ADAMTS2: variants seen among roughly 807,000 people sequenced by gnomAD.
ADAMTS2 encodes the protein ADAM metallopeptidase with thrombospondin type 1 motif 2, also known as A disintegrin and metalloproteinase with thrombospondin motifs 2.
In ADAMTS2, 50 loss-of-function variants were observed where a neutral mutation model predicts 123.0. The observed-to-expected ratio is 0.41, with a 90% CI of 0.32 to 0.51. The LOEUF is 0.51. ADAMTS2 is among the 20% of genes least tolerant of loss of function. ADAMTS2 has a pLI of 0.35. For missense variants in ADAMTS2, 1,494 were observed against 1,705.2 expected, an observed-to-expected ratio of 0.88 and a Z score of 2.18; for synonymous variants, 678 against 695.4, an observed-to-expected ratio of 0.98 and a Z score of 0.39.
rs938169342 is a variant in ADAMTS2, at chr5:179,308,797, T to C, written c.534+34970A>G. 1.2e-4 allele frequency among the ~76,000 whole-genome samples: 19 copies of C among 152,096 alleles called. No homozygotes were observed. Among genetic ancestry groups the C allele is most frequent in the Admixed American group, 6.5e-5 (1 of 15,282 alleles). On this transcript the variant is annotated intron_variant, in intron 2 of 21. Coordinates refer to ENST00000251582, the MANE Select transcript of ADAMTS2 (RefSeq NM_014244.5). The surrounding 1 kb of genome is among the most constrained non-coding windows in gnomAD (Gnocchi z 6.6). Reference sequence around the variant, plus strand: ...GCAGGTTCCTGGCCCCTCTGCCTCCTCTTCCTTCCCACCCCAGGGGCCCTG... The same window carrying C: ...GCAGGTTCCTGGCCCCTCTGCCTCCCCTTCCTTCCCACCCCAGGGGCCCTG...
At chr5:179,239,250 A>C (rs1473455426) in intron 3 of ADAMTS2, among the ~76,000 whole-genome samples, 2 of 152,118 alleles carry the variant, frequency 1.3e-5, no homozygotes, top group Non-Finnish European at 2.9e-5. Flanking sequence ...AGATGGTGAG[A>C]AGTGATCAGG....
intron 4 of ADAMTS2, among the ~76,000 whole-genome samples, chr5:179,191,595 G>T (rs1354243639): frequency 7.2e-6 from 1 of 139,088 alleles, no homozygotes; most frequent in Non-Finnish European, 1.6e-5. Context: ...GGCATCAGGG[G>T]ACAGGAACGG....
intron 3 of ADAMTS2, among the ~76,000 whole-genome samples, chr5:179,267,433 C>T (rs1766404500): frequency 6.6e-6 from 1 of 152,252 alleles, no homozygotes; most frequent in Admixed American, 6.5e-5. Context: ...AGAGGCTTGG[C>T]ACCGGCGGTG....
intron 3 of ADAMTS2, among the ~76,000 whole-genome samples, chr5:179,246,991 C>T (rs1019088850): frequency 6.6e-6 from 1 of 152,016 alleles, no homozygotes; most frequent in Non-Finnish European, 1.5e-5. Flanking sequence ...ACAAAGTATG[C>T]AAAATAACAA....
chr5:179,220,917 G>T (rs17079221), intron 3 of ADAMTS2, among the ~76,000 whole-genome samples: 3 of 152,062 alleles, frequency 2.0e-5, no homozygotes, highest in Non-Finnish European at 2.9e-5. Context: ...GATGCTGCCC[G>T]ACCCTGTGCA....
chr5:179,298,319 G>A (rs1371730902), intron 2 of ADAMTS2, among the ~76,000 whole-genome samples: 1 of 152,150 alleles, frequency 6.6e-6, no homozygotes, highest in Non-Finnish European at 1.5e-5. Flanking sequence ...TGTGAAGCGG[G>A]CCTTTGGAAG....
At chr5:179,280,309 G>A (rs575141411) in intron 2 of ADAMTS2, among the ~76,000 whole-genome samples, 1 of 152,306 alleles carries the variant, frequency 6.6e-6, no homozygotes, top group Non-Finnish European at 1.5e-5. Context: ...TGGGGGGCGA[G>A]GCAGGCAGGG....
At chr5:179,199,637 C>T (rs1228293196) in intron 4 of ADAMTS2, among the ~76,000 whole-genome samples, 1 of 152,162 alleles carries the variant, frequency 6.6e-6, no homozygotes. Context: ...TGGGGGTGCA[C>T]TCACTCTGCT....
At position 179,300,952 on chromosome 5, in the gene ADAMTS2, C is replaced by T. The variant is rs544961237; in HGVS notation, c.535-27888G>A. Among the ~76,000 whole-genome samples the T allele has an allele frequency of 1.4e-3, 206 of 152,204 alleles. 2 individuals carry two copies. Among genetic ancestry groups the T allele is most frequent in the African/African-American group, 4.6e-3 (192 of 41,528 alleles). On this transcript the variant is annotated intron_variant, in intron 2 of 21. Transcript: ENST00000251582. ...CGGAGAGGTCCCGCAGGACAGAGGCCGGAGGATGTCCCCACACACTGAGCA... is the reference window on the plus strand; with the variant it reads ...CGGAGAGGTCCCGCAGGACAGAGGCTGGAGGATGTCCCCACACACTGAGCA...
In ADAMTS2 at chr5:179,132,660, C is replaced by G. The variant is rs534160004; in HGVS notation, c.2209+117G>C. The G allele has an allele frequency of 2.6e-5, 38 of 1,470,590 alleles. No homozygotes were observed. Among genetic ancestry groups the G allele is most frequent in the African/African-American group, 8.3e-5 (6 of 72,244 alleles). The allele number at this position is 1,470,590 out of a possible 1,614,324, so 91.1% of individuals were successfully genotyped here. On this transcript the variant is annotated intron_variant, in intron 14 of 21. Transcript: ENST00000251582. This position sits in a 1 kb window ranked among gnomAD's most constrained non-coding sequence, Gnocchi z 6.1. ...CCCTCAGTGTCACAGACCTCTCCCCCTCCCCAGAACAGTCATAAGCCCGGA... is the reference window on the plus strand; with the variant it reads ...CCCTCAGTGTCACAGACCTCTCCCCGTCCCCAGAACAGTCATAAGCCCGGA...
intron 2 of ADAMTS2, among the ~76,000 whole-genome samples, chr5:179,305,014 C>T (rs1756632730): frequency 6.7e-6 from 1 of 148,832 alleles, no homozygotes; most frequent in African/African-American, 2.5e-5. Flanking sequence ...CTTATCAAAA[C>T]TGTGAAGTCC....
chr5:179,140,313 G>A (rs1362275452), intron 10 of ADAMTS2, among the ~76,000 whole-genome samples: 1 of 152,200 alleles, frequency 6.6e-6, no homozygotes, highest in Non-Finnish European at 1.5e-5. Flanking sequence ...TCAGCTGGAA[G>A]CTGCACCACA....
At chr5:179,208,658 T>C (rs1237381226) in intron 3 of ADAMTS2, among the ~76,000 whole-genome samples, 1 of 152,146 alleles carries the variant, frequency 6.6e-6, no homozygotes, top group Admixed American at 6.5e-5. Context: ...CCACTGCCCG[T>C]CTGAAGGCCA....
chr5:179,112,747 C>T lies in ADAMTS2; in HGVS notation c.*1120G>A, dbSNP rs532987726. ...CCAGGCCCTTGAACCGCTCACTGGA[C>T]CTTCCCAGCAGAGCACGTGCCTCTC... On this transcript the variant is annotated 3_prime_UTR_variant, in exon 22 of 22. Transcript: ENST00000251582. The T allele has an allele frequency of 6.6e-6, 1 of 152,392 alleles. No individual in the cohort carries two copies. The highest frequency in any genetic ancestry group is 1.9e-4 in the East Asian group (1 of 5,178). 9.4% of individuals were successfully genotyped at this position (152,392 alleles called of 1,614,324 possible).
At chr5:179,286,441 G>T (rs1019524684) in intron 2 of ADAMTS2, among the ~76,000 whole-genome samples, 1 of 152,144 alleles carries the variant, frequency 6.6e-6, no homozygotes, top group Non-Finnish European at 1.5e-5. Flanking sequence ...CGGTGGGTCT[G>T]TCTGCTCAGG....
chr5:179,163,352 G>A lies in ADAMTS2; in HGVS notation c.976-4473C>T, dbSNP rs1425997153. On this transcript the variant is annotated intron_variant, in intron 5 of 21. Transcript: ENST00000251582. Reference sequence around the variant, plus strand: ...TCGGTGATAAGGAGTGGCGAGGACTGTGGCAAACCCAGGTGCCCAGGCACA... The same window carrying A: ...TCGGTGATAAGGAGTGGCGAGGACTATGGCAAACCCAGGTGCCCAGGCACA... Among the ~76,000 whole-genome samples the A allele has an allele frequency of 3.9e-5, 6 of 152,330 alleles. No homozygotes were observed. The South Asian group carries it at 6.2e-4, about 16-fold the overall frequency.
At chr5:179,127,875 C>A (rs1245253541) in intron 17 of ADAMTS2, 84 bp downstream of exon 17, 2 of 1,583,430 alleles carry the variant, frequency 1.3e-6, no homozygotes, top group Admixed American at 3.3e-5. Flanking sequence ...CCCCTGCTCA[C>A]GCTGGCCCCA....
Position 179,315,069 on chromosome 5 carries a change from G to A in ADAMTS2, c.534+28698C>T, listed in dbSNP as rs542566459. Among the ~76,000 whole-genome samples, 110 of 13,744 alleles carry A rather than the reference G, an allele frequency of 8.0e-3. 1 individual carries two copies. Among genetic ancestry groups the A allele is most frequent in the Admixed American group, 0.049 (57 of 1,154 alleles). The allele number at this position is 13,744 out of a possible 152,430, so 9.0% of individuals were successfully genotyped here. The stretch of plus-strand genomic sequence containing the variant: ...CCCACAATCCCCAAGGCCCCACCCC[G>A]GCCTCCTCCTCCCCCTGCCCCTGCA... On this transcript the variant is annotated intron_variant, in intron 2 of 21. Coordinates refer to ENST00000251582, the MANE Select transcript of ADAMTS2 (RefSeq NM_014244.5).
In ADAMTS2 at chr5:179,122,700, A is replaced by G. The variant is rs769744215; in HGVS notation, c.3032T>C (p.Ile1011Thr). Reference protein sequence around the residue: ...LCRTADDSFGICQEERPETAR... With the variant: ...LCRTADDSFGTCQEERPETAR... The stretch of plus-strand genomic sequence containing the variant: ...TGTCTCAGGACGCTCCTCCTGGCAG[A>G]TGCCGAAGCTGTCGTCCGCGGTGCG... Residue 1011 changes from isoleucine to threonine, a missense_variant, in exon 20 of 22, where the codon ATC becomes ACC. Around this residue, in one of 6 missense-constraint regions of ADAMTS2, gnomAD observed 953 missense variants for 1,124.7 expected, o/e 0.85. Transcript: ENST00000251582. 3 of 1,551,726 alleles carry G rather than the reference A, an allele frequency of 1.9e-6. No individual in the cohort carries two copies. The African/African-American group carries it at 4.1e-5, about 21-fold the overall frequency.
Sources: gnomAD v4.1 joint callset for allele counts (sites outside exome capture counted in the v4.1 genomes callset) on GRCh38, gnomAD v4.1.1 for gene constraint, gnomAD v4.1.1 regional missense constraint, Gnocchi (gnomAD v3.1) non-coding constraint, MANE v1.5 for transcripts, NCBI Gene and HGNC (gene_info 2026-07-23, HGNC 2026-07-21) for gene names.